The following ZNF407 variants were observed in gnomAD, a reference collection of about 807,000 sequenced individuals.
The protein encoded by ZNF407 is zinc finger protein 407.
A neutral mutation model predicts 131.2 loss-of-function variants in ZNF407; 17 were observed. The observed-to-expected ratio is 0.13, with a 90% confidence interval of 0.09 to 0.19. ZNF407 has a LOEUF of 0.19. Among genes scored for constraint, ZNF407 ranks in the 10% least tolerant of loss-of-function variants. ZNF407 has a pLI of 1.00. For synonymous variants in ZNF407, 1,156 were observed against 1,062.0 expected (o/e 1.09, Z -1.72); for missense variants, 2,681 against 2,830.6 (o/e 0.95, Z 1.20).
chr18:74,623,603 A>G (rs891910350), intron 1 of ZNF407, among the ~76,000 whole-genome samples: 4 of 152,270 alleles, frequency 2.6e-5, no homozygotes, highest in Non-Finnish European at 2.9e-5. Flanking sequence ...CTTCTTTGAT[A>G]TGCAGAAAGA....
Position 74,703,563 on chromosome 18 carries a change from T to A in ZNF407, c.4802+62441T>A, listed in dbSNP as rs1388669897. On this transcript the variant is annotated intron_variant, in intron 3 of 8. Transcript: ENST00000299687. The surrounding 1 kb of genome is among the most constrained non-coding windows in gnomAD (Gnocchi z 4.1). ...GTATTTTTAGTAGAGATGGGGTTTC[T>A]CCAGGTTTATCAGGCTGGTCTCGAA... is the stretch of plus-strand genomic sequence containing the variant. Among the ~76,000 whole-genome samples the A allele has an allele frequency of 1.3e-5, 2 of 152,122 alleles. No homozygotes were observed. The highest frequency in any genetic ancestry group is 4.8e-5 in the African/African-American group (2 of 41,432).
intron 3 of ZNF407, among the ~76,000 whole-genome samples, chr18:74,739,870 A>G (rs1251451708): frequency 6.6e-6 from 1 of 152,172 alleles, no homozygotes; most frequent in Non-Finnish European, 1.5e-5. Context: ...TATGCCCAGA[A>G]CCTCAATTAT....
chr18:74,746,252 C>T (rs546949842), intron 3 of ZNF407, among the ~76,000 whole-genome samples: 4 of 152,020 alleles, frequency 2.6e-5, no homozygotes, highest in East Asian at 3.9e-4. Context: ...CTTGCAGGAC[C>T]GGGAGTGGCT....
chr18:74,865,965 T>C (rs941827963), intron 4 of ZNF407, among the ~76,000 whole-genome samples: 1 of 152,240 alleles, frequency 6.6e-6, no homozygotes. Flanking sequence ...CTTGATAGTA[T>C]TTTATTAACT....
chr18:74,667,893 C>A (rs994493783), intron 3 of ZNF407, among the ~76,000 whole-genome samples: 18 of 152,056 alleles, frequency 1.2e-4, no homozygotes, highest in Admixed American at 9.8e-4. Context: ...TTTAAGTGCT[C>A]TAAACTGAAA....
At chr18:74,897,809 C>A (rs1474199738) in intron 7 of ZNF407, among the ~76,000 whole-genome samples, 1 of 152,178 alleles carries the variant, frequency 6.6e-6, no homozygotes, top group South Asian at 2.1e-4. Flanking sequence ...ACAGAAGTCA[C>A]CTATGCATCC....
intron 1 of ZNF407, among the ~76,000 whole-genome samples, chr18:74,599,938 C>T (rs546483292): frequency 3.3e-5 from 5 of 152,338 alleles, no homozygotes; most frequent in East Asian, 3.9e-4. Flanking sequence ...CACTGTGGTC[C>T]TCCACTGAGC....
chr18:74,938,741 G>A (rs1972066220), intron 8 of ZNF407, among the ~76,000 whole-genome samples: 1 of 152,208 alleles, frequency 6.6e-6, no homozygotes, highest in Admixed American at 6.5e-5. Context: ...CTGACCCATA[G>A]ACTAAAGCAG....
intron 1 of ZNF407, among the ~76,000 whole-genome samples, chr18:74,599,732 G>A (rs562664016): frequency 1.3e-5 from 2 of 152,224 alleles, no homozygotes; most frequent in East Asian, 1.9e-4. Context: ...AGTAGAACTC[G>A]CTAATCTTAA....
At chr18:74,899,042 G>A (rs568155801) in intron 7 of ZNF407, among the ~76,000 whole-genome samples, 1 of 152,266 alleles carries the variant, frequency 6.6e-6, no homozygotes, top group Non-Finnish European at 1.5e-5. Context: ...AGCCTGGATT[G>A]TAGGTCACAT....
chr18:74,657,808 C>A (rs143732995), intron 3 of ZNF407, among the ~76,000 whole-genome samples: 1 of 152,116 alleles, frequency 6.6e-6, no homozygotes, highest in Non-Finnish European at 1.5e-5. Context: ...TGCGTGACCA[C>A]GAGGGGGAGT....
At chr18:74,834,512 A>G (rs748724129) in intron 4 of ZNF407, among the ~76,000 whole-genome samples, 14 of 152,192 alleles carry the variant, frequency 9.2e-5, no homozygotes, top group African/African-American at 2.4e-4. Context: ...CAGCATTTCT[A>G]ATGATCTAGA....
At position 74,694,597 on chromosome 18, in the gene ZNF407, C is replaced by G. The variant is rs141528149; in HGVS notation, c.4802+53475C>G. On this transcript the variant is annotated intron_variant, in intron 3 of 8. Transcript: ENST00000299687. The stretch of plus-strand genomic sequence containing the variant: ...TCTGAACACCAAGTTCCAACTGATT[C>G]ATTTTTGTCACATGTAGTAGGTGAT... Among the ~76,000 whole-genome samples the G allele has an allele frequency of 2.9e-3, 444 of 152,166 alleles. 1 individual carries two copies. Among genetic ancestry groups the G allele is most frequent in the Non-Finnish European group, 5.4e-3 (367 of 68,018 alleles).
At chr18:74,845,099 C>T (rs1157491446) in intron 4 of ZNF407, among the ~76,000 whole-genome samples, 1 of 152,174 alleles carries the variant, frequency 6.6e-6, no homozygotes, top group African/African-American at 2.4e-5. Context: ...TTGAAGGCAA[C>T]CAGAAGGGCA....
intron 3 of ZNF407, among the ~76,000 whole-genome samples, chr18:74,752,418 C>T (rs899607828): frequency 1.3e-5 from 2 of 152,122 alleles, no homozygotes; most frequent in South Asian, 2.1e-4. Context: ...GTTGCCATTG[C>T]TTTTGGTGTT....
In ZNF407 at chr18:74,634,017, G is replaced by A. The variant is rs1984289819; in HGVS notation, c.2998G>A (p.Ala1000Thr). The change falls in exon 2 of 9, where the codon GCC (alanine) becomes ACC (threonine). Residue 1000 changes from alanine to threonine, a missense_variant. Ala to Thr is a moderately conservative substitution (Grantham distance 58, BLOSUM62 0). Around this residue, in one of 6 missense-constraint regions of ZNF407, gnomAD observed 1,789 missense variants for 1,748.7 expected, o/e 1.02. Transcript: ENST00000299687. ...EQISSEPEDF[A>T]QPGDVYSQRD... ...AATATCTTCAGAGCCAGAGGACTTC[G>A]CCCAGCCGGGGGATGTGTACTCCCA... 1.9e-6 allele frequency: 3 copies of A among 1,613,890 alleles called. No individual in the cohort carries two copies. Among genetic ancestry groups the A allele is most frequent in the African/African-American group, 2.7e-5 (2 of 74,934 alleles).
chr18:74,710,729 G>A (rs1967739332), intron 3 of ZNF407, among the ~76,000 whole-genome samples: 1 of 152,082 alleles, frequency 6.6e-6, no homozygotes, highest in South Asian at 2.1e-4. Flanking sequence ...AGCAGTAAAG[G>A]GCTGCAAGTT....
chr18:74,858,525 T>C (rs544054466), intron 4 of ZNF407, among the ~76,000 whole-genome samples: 1 of 152,300 alleles, frequency 6.6e-6, no homozygotes, highest in South Asian at 2.1e-4. Context: ...TGTAAGTTGA[T>C]ATAATCTTTG....
At chr18:74,852,206 C>T (rs981269585) in intron 4 of ZNF407, among the ~76,000 whole-genome samples, 13 of 150,854 alleles carry the variant, frequency 8.6e-5, no homozygotes, top group African/African-American at 1.2e-4. Flanking sequence ...CACGCACGCA[C>T]GCACGCGCAC....
Sources: allele counts gnomAD v4.1 joint callset (sites outside exome capture counted in the v4.1 genomes callset), GRCh38; gene constraint gnomAD v4.1.1; regional missense constraint gnomAD v4.1.1; non-coding constraint Gnocchi (gnomAD v3.1); transcripts MANE v1.5; gene names NCBI Gene and HGNC (gene_info 2026-07-23, HGNC 2026-07-21).